The following EYS variants were observed in gnomAD, a reference collection of about 807,000 sequenced individuals.
EYS encodes the protein protein eyes shut homolog.
Under a neutral mutation model 282.1 loss-of-function variants are expected in EYS, and 250 were observed. The ratio of observed to expected loss-of-function variants is 0.89; its 90% CI spans 0.80 to 0.98. EYS has a LOEUF of 0.98. Among genes scored for constraint, EYS ranks in the 50% least tolerant of loss-of-function variants. The pLI, the probability that EYS is intolerant of heterozygous loss-of-function variation, is 0.00. For synonymous variants in EYS, 1,355 were observed against 1,282.9 expected, an observed-to-expected ratio of 1.06 and a Z score of -1.20; for missense variants, 4,016 against 3,709.0, an observed-to-expected ratio of 1.08 and a Z score of -2.15.
At chr6:63,920,411 T>G (rs1222856112) in intron 35 of EYS, among the ~76,000 whole-genome samples, 5 of 152,270 alleles carry the variant, frequency 3.3e-5, no homozygotes, top group African/African-American at 1.2e-4. Flanking sequence ...CTGGGCCATG[T>G]TTTCTGGAAG....
At chr6:63,770,151 G>A (rs1345986547) in intron 40 of EYS, among the ~76,000 whole-genome samples, 3 of 151,928 alleles carry the variant, frequency 2.0e-5, no homozygotes, top group Non-Finnish European at 4.4e-5. Context: ...TAAGTACTTT[G>A]ATGTAGTACT....
At chr6:64,089,991 T>C (rs1772297874) in intron 31 of EYS, among the ~76,000 whole-genome samples, 1 of 152,096 alleles carries the variant, frequency 6.6e-6, no homozygotes, top group African/African-American at 2.4e-5. Flanking sequence ...CTGTTAACAG[T>C]TGATCATCAT....
chr6:65,464,320 C>G (rs1268456808), intron 5 of EYS, among the ~76,000 whole-genome samples: 2 of 152,078 alleles, frequency 1.3e-5, no homozygotes. Context: ...TAATATTTAT[C>G]TTGGCTGTCC....
intron 36 of EYS, among the ~76,000 whole-genome samples, chr6:63,820,998 G>A (rs1208994371): frequency 6.6e-6 from 1 of 151,936 alleles, no homozygotes; most frequent in East Asian, 1.9e-4. Context: ...TATTAAAATA[G>A]CAATTTTCTC....
intron 8 of EYS, among the ~76,000 whole-genome samples, chr6:65,354,672 T>C (rs1764411310): frequency 6.6e-6 from 1 of 151,800 alleles, no homozygotes; most frequent in South Asian, 2.1e-4. Context: ...AAAAAATTAG[T>C]CAGGTGCAGT....
intron 19 of EYS, among the ~76,000 whole-genome samples, chr6:64,843,826 G>A (rs1369539991): frequency 1.3e-5 from 2 of 152,050 alleles, no homozygotes; most frequent in Admixed American, 1.3e-4. Flanking sequence ...GGGGCCCAGG[G>A]TGGAATGATA....
At chr6:65,386,587 C>T (rs1462171365) in intron 7 of EYS, among the ~76,000 whole-genome samples, 1 of 151,888 alleles carries the variant, frequency 6.6e-6, no homozygotes, top group African/African-American at 2.4e-5. Context: ...GTAGCCTTGA[C>T]ATTTAAGAAT....
chr6:64,400,381 T>G (rs1773505319), intron 28 of EYS: 1 of 152,080 alleles, frequency 6.6e-6, no homozygotes, highest in Admixed American at 6.6e-5. Context: ...TCATCTTTTC[T>G]CATACATATA....
intron 19 of EYS, among the ~76,000 whole-genome samples, chr6:64,874,453 A>T (rs1178865072): frequency 6.6e-6 from 1 of 152,096 alleles, no homozygotes; most frequent in Non-Finnish European, 1.5e-5. Context: ...AGTATGCTCC[A>T]TACCTGGGCT....
rs534905491 is a variant in EYS, at chr6:65,244,165, G to A, written c.2023+51698C>T. Reference sequence around the variant, plus strand: ...GTTAGGCTTGTTTTTGTCTTTTTAAGGACACATGAACAGATTATACAACTT... The same window carrying A: ...GTTAGGCTTGTTTTTGTCTTTTTAAAGACACATGAACAGATTATACAACTT... On this transcript the variant is annotated intron_variant, in intron 12 of 42. Coordinates refer to ENST00000503581, the MANE Select transcript of EYS (RefSeq NM_001142800.2). 3.0e-4 allele frequency among the ~76,000 whole-genome samples: 46 copies of A among 152,190 alleles called. 1 individual carries two copies. In the South Asian group the frequency reaches 9.3e-3, roughly 31 times the overall value.
At chr6:65,628,824 T>C (rs1766812346) in intron 2 of EYS, among the ~76,000 whole-genome samples, 2 of 152,208 alleles carry the variant, frequency 1.3e-5, no homozygotes, top group African/African-American at 4.8e-5. Flanking sequence ...CGCGGCTTCA[T>C]TCTTGAAGTC....
At chr6:65,118,935 T>C (rs889113919) in intron 12 of EYS, among the ~76,000 whole-genome samples, 3 of 150,822 alleles carry the variant, frequency 2.0e-5, no homozygotes, top group Admixed American at 1.3e-4. Context: ...GTCATTGAGA[T>C]AAAGTTAACA....
chr6:64,967,600 G>A (rs1460118310), intron 14 of EYS, among the ~76,000 whole-genome samples: 2 of 152,158 alleles, frequency 1.3e-5, no homozygotes, highest in Non-Finnish European at 2.9e-5. Context: ...TTACAGGCGT[G>A]AGCCACAGTG....
At chr6:63,725,426 T>C (rs1202648772) in intron 42 of EYS, among the ~76,000 whole-genome samples, 2 of 152,130 alleles carry the variant, frequency 1.3e-5, no homozygotes, top group East Asian at 3.8e-4. Flanking sequence ...CTTACATAGG[T>C]CCCACTTAAC....
intron 22 of EYS, among the ~76,000 whole-genome samples, chr6:64,683,027 G>C (rs769701846): frequency 6.6e-6 from 1 of 152,200 alleles, no homozygotes; most frequent in Non-Finnish European, 1.5e-5. Context: ...GAGAGCATGA[G>C]GATATAGAAG....
At chr6:65,016,571 A>G (rs1212581062) in intron 13 of EYS, among the ~76,000 whole-genome samples, 2 of 152,204 alleles carry the variant, frequency 1.3e-5, no homozygotes, top group Admixed American at 6.5e-5. Flanking sequence ...CTTTCTGTGC[A>G]AGAGGCATCA....
chr6:65,442,179 T>C (rs1443933089), intron 5 of EYS, among the ~76,000 whole-genome samples: 2 of 152,090 alleles, frequency 1.3e-5, no homozygotes, highest in African/African-American at 2.4e-5. Context: ...GTTCTTCATA[T>C]ATGAAAATTT....
chr6:65,659,141 C>T (rs1259738546), intron 1 of EYS, among the ~76,000 whole-genome samples: 2 of 151,358 alleles, frequency 1.3e-5, no homozygotes, highest in Non-Finnish European at 3.0e-5. Flanking sequence ...GAAAATGTTC[C>T]TTTAGATTTT....
chr6:63,789,722 C>G (rs182149158), intron 37 of EYS, among the ~76,000 whole-genome samples: 1 of 152,246 alleles, frequency 6.6e-6, no homozygotes, highest in Admixed American at 6.5e-5. Flanking sequence ...CTTAACCATG[C>G]CCCATGACCA....
Sources: gnomAD v4.1 joint callset for allele counts (sites outside exome capture counted in the v4.1 genomes callset) on GRCh38, gnomAD v4.1.1 for gene constraint, MANE v1.5 for transcripts, NCBI Gene and HGNC (gene_info 2026-07-23, HGNC 2026-07-21) for gene names.